LCK: variants seen among roughly 807,000 people sequenced by gnomAD.
LCK encodes tyrosine-protein kinase Lck.
Under a neutral mutation model 64.6 loss-of-function variants are expected in LCK, and 14 were observed. The observed-to-expected ratio is 0.22, with a 90% CI of 0.14 to 0.34. The LOEUF (loss-of-function observed/expected upper bound fraction) is 0.34. Ranked by LOEUF, LCK falls within the 10% of genes least tolerant of loss-of-function variation. The pLI, the probability that LCK is intolerant of heterozygous loss-of-function variation, is 1.00. For synonymous variants in LCK, 277 were observed against 263.6 expected (o/e 1.05, Z -0.49); for missense variants, 434 against 668.1 (o/e 0.65, Z 3.86).
chr1:32,262,868 G>GAAAA (rs539749343), intron 1 of LCK, among the ~76,000 whole-genome samples: 3 of 85,570 alleles, frequency 3.5e-5, no homozygotes, highest in Admixed American at 1.3e-4. Context: ...GAGGAAGGGA[G>GAAAA]AAAAAAAAAA....
chr1:32,278,329 A>G (rs1225634221), intron 9 of LCK, among the ~76,000 whole-genome samples: 1 of 152,132 alleles, frequency 6.6e-6, no homozygotes. Flanking sequence ...GGAAATGGCA[A>G]ATAGATTATG....
rs1640264137 is a variant in LCK, at chr1:32,276,216, A to G, written c.632-121A>G. ...CCCTACGGCCCCAAGTGTTTGGGTGACAGCCCCACACCCCCTTGCTAGTCC... is the reference window on the plus strand; with the variant it reads ...CCCTACGGCCCCAAGTGTTTGGGTGGCAGCCCCACACCCCCTTGCTAGTCC... On this transcript the variant is annotated intron_variant, in intron 7 of 12. Coordinates refer to ENST00000336890, the MANE Select transcript of LCK (RefSeq NM_005356.5). This position sits in a 1 kb window ranked among gnomAD's most constrained non-coding sequence, Gnocchi z 4.6. The G allele has an allele frequency of 6.9e-7, 1 of 1,452,470 alleles. No individual in the cohort carries two copies. Among genetic ancestry groups the G allele is most frequent in the Non-Finnish European group, 9.2e-7 (1 of 1,081,964 alleles). 90.0% of individuals were successfully genotyped at this position (1,452,470 alleles called of 1,614,324 possible). A position where few individuals can be genotyped will look rare whatever the true frequency, so the allele number is the denominator to read the frequency against.
At chr1:32,257,662 T>C (rs1639662684) in intron 1 of LCK, among the ~76,000 whole-genome samples, 1 of 152,086 alleles carries the variant, frequency 6.6e-6, no homozygotes, top group South Asian at 2.1e-4. Context: ...GAAACGTTTA[T>C]AAAGCAGTGT....
At chr1:32,253,236 G>A (rs1639550504) in intron 1 of LCK, among the ~76,000 whole-genome samples, 1 of 152,150 alleles carries the variant, frequency 6.6e-6, no homozygotes. Flanking sequence ...GTGGTGGCAG[G>A]TGCCTGTAAT....
rs116222654 is a variant in LCK, at chr1:32,266,020, C to T, written c.-5-8305C>T. On this transcript the variant is annotated intron_variant, in intron 1 of 12. Transcript: ENST00000336890. ...TGTTATCCAGGCTGGAGTGCAGTGG[C>T]GTGTTCACGGCTCACTGCCGCCTCA... 6.8e-3 allele frequency among the ~76,000 whole-genome samples: 1,029 copies of T among 152,204 alleles called. 2 individuals are homozygous for T. Among genetic ancestry groups the T allele is most frequent in the Middle Eastern group, 0.034 (10 of 294 alleles).
Position 32,270,692 on chromosome 1 carries a change from CTTTTTTTT to C in LCK, c.-5-3614_-5-3607del, listed in dbSNP as rs34689678. ...ACAGGAATGAGCCATCGTGCCCGGA[CTTTTTTTT>C]TTTTTTTTTTTTTTTTTTGAGACGG... is the stretch of plus-strand genomic sequence containing the variant. On this transcript the variant is annotated intron_variant, in intron 1 of 12. Coordinates refer to ENST00000336890, the MANE Select transcript of LCK (RefSeq NM_005356.5). 7.4e-4 allele frequency among the ~76,000 whole-genome samples: 72 copies of C among 96,796 alleles called. No individual in the cohort carries two copies. The South Asian group carries it at 0.022, about 29-fold the overall frequency. The allele number at this position is 96,796 out of a possible 152,430, so 63.5% of individuals were successfully genotyped here.
intron 1 of LCK, among the ~76,000 whole-genome samples, chr1:32,272,692 C>A (rs1640123787): frequency 6.6e-6 from 1 of 150,918 alleles, no homozygotes; most frequent in Admixed American, 6.6e-5. Context: ...ACCACAAGTA[C>A]AAAGGCATTA....
At chr1:32,272,633 G>GAGAA (rs1472917530) in intron 1 of LCK, among the ~76,000 whole-genome samples, 14 of 147,470 alleles carry the variant, frequency 9.5e-5, no homozygotes, top group African/African-American at 3.8e-4. Flanking sequence ...AAGAGAGAGA[G>GAGAA]AGAGAGAGAG....
chr1:32,285,444 T>G, intron 12 of LCK, 70 bp from the exon 13 acceptor site: 2 of 1,381,676 alleles, frequency 1.4e-6, no homozygotes, highest in South Asian at 1.2e-5. Flanking sequence ...AGTTAAATAT[T>G]CCGAACATTA....
chr1:32,280,471 T>A (rs1481975302), intron 12 of LCK, among the ~76,000 whole-genome samples: 4 of 140,674 alleles, frequency 2.8e-5, no homozygotes, highest in Non-Finnish European at 6.2e-5. Flanking sequence ...TTTTTTTTTT[T>A]TTGAGACGGA....
Position 32,275,096 on chromosome 1 carries a change from C to G in LCK, c.278+13C>G. The G allele has an allele frequency of 6.2e-7, 1 of 1,601,108 alleles. No homozygotes were observed. The highest frequency in any genetic ancestry group is 1.1e-5 in the South Asian group (1 of 90,154). On this transcript the variant is annotated intron_variant, in intron 4 of 12. Transcript: ENST00000336890. This position sits in a 1 kb window ranked among gnomAD's most constrained non-coding sequence, Gnocchi z 6.9. Reference sequence around the variant, plus strand: ...GCATCCTGGAGCAGTGAGTCCCTCTCCACCTTGCTCTGGCGGAGTCCGTGA... The same window carrying G: ...GCATCCTGGAGCAGTGAGTCCCTCTGCACCTTGCTCTGGCGGAGTCCGTGA...
chr1:32,283,211 C>T (rs1186122034), intron 12 of LCK, among the ~76,000 whole-genome samples: 1 of 150,974 alleles, frequency 6.6e-6, no homozygotes, highest in Non-Finnish European at 1.5e-5. Context: ...ATCATTTGAA[C>T]CTGGGAGGCG....
intron 1 of LCK, among the ~76,000 whole-genome samples, chr1:32,265,105 G>A (rs1384160881): frequency 6.6e-6 from 1 of 151,906 alleles, no homozygotes; most frequent in African/African-American, 2.4e-5. Flanking sequence ...TGCTCGGGAG[G>A]CTGAGGCACG....
chr1:32,274,220 A>G, intron 1 of LCK, 105 bp from the exon 2 acceptor site: 1 of 1,580,388 alleles, frequency 6.3e-7, no homozygotes, highest in South Asian at 1.1e-5. Context: ...GGATCTCACA[A>G]TCTCAGGTAC....
Position 32,251,786 on chromosome 1 carries a change from G to T in LCK, c.-6+415G>T, listed in dbSNP as rs1014373462. On this transcript the variant is annotated intron_variant, in intron 1 of 12. Coordinates refer to ENST00000336890, the MANE Select transcript of LCK (RefSeq NM_005356.5). The surrounding 1 kb of genome is among the most constrained non-coding windows in gnomAD (Gnocchi z 4.0). ...TGGCAGGGCTGAGAGTGATGGCTGA[G>T]GCTGTGGCCACCCCGCCTGGAGCAG... Among the ~76,000 whole-genome samples the T allele has an allele frequency of 7.2e-5, 11 of 152,158 alleles. No homozygotes were observed. The highest frequency in any genetic ancestry group is 2.7e-4 in the African/African-American group (11 of 41,442).
intron 1 of LCK, among the ~76,000 whole-genome samples, chr1:32,261,358 C>G (rs533072196): frequency 1.3e-5 from 2 of 151,064 alleles, no homozygotes; most frequent in East Asian, 3.9e-4. Context: ...AGAGATTCTC[C>G]TGCTGGCCGG....
At position 32,274,975 on chromosome 1, in the gene LCK, T is replaced by C; in HGVS notation, c.188-18T>C. 6.2e-7 allele frequency: 1 copy of C among 1,614,206 alleles called. No homozygotes were observed. Among genetic ancestry groups the C allele is most frequent in the Non-Finnish European group, 8.5e-7 (1 of 1,180,030 alleles). On this transcript the variant is annotated intron_variant, in intron 3 of 12. Transcript: ENST00000336890. Reference sequence around the variant, plus strand: ...CCGATCCCAGCTCGGTTCTCCCTGATGCCCCTTGTCTTTACAGACAACCTG... The same window carrying C: ...CCGATCCCAGCTCGGTTCTCCCTGACGCCCCTTGTCTTTACAGACAACCTG...
chr1:32,257,437 C>T (rs1043454457), intron 1 of LCK, among the ~76,000 whole-genome samples: 8 of 151,392 alleles, frequency 5.3e-5, no homozygotes, highest in African/African-American at 1.9e-4. Context: ...TTTTTTGTAC[C>T]GACGGGGTTT....
intron 12 of LCK, 77 bp downstream of exon 12, chr1:32,280,287 T>C: frequency 6.3e-7 from 1 of 1,577,796 alleles, no homozygotes; most frequent in Non-Finnish European, 8.6e-7. Context: ...CTTTCCAGTC[T>C]CAGAATCTGA....
Sources: gnomAD v4.1 joint callset for allele counts (sites outside exome capture counted in the v4.1 genomes callset) on GRCh38, gnomAD v4.1.1 for gene constraint, Gnocchi (gnomAD v3.1) non-coding constraint, MANE v1.5 for transcripts, NCBI Gene and HGNC (gene_info 2026-07-23, HGNC 2026-07-21) for gene names.